ENTREP2: variants seen among roughly 807,000 people sequenced by gnomAD.
The protein encoded by ENTREP2 is protein ENTREP2.
chr15:29,446,749 C>T, the ENTREP2 span, among the ~76,000 whole-genome samples: 1 of 152,352 alleles, frequency 6.6e-6, no homozygotes, highest in East Asian at 1.9e-4. Context: ...CCTGTGGAGA[C>T]TCTAGGGCTG....
chr15:29,619,429 G>C, the ENTREP2 span, among the ~76,000 whole-genome samples: 1 of 151,918 alleles, frequency 6.6e-6, no homozygotes, highest in African/African-American at 2.4e-5. Flanking sequence ...ACAACCTCAT[G>C]AGATAGACAT....
chr15:29,269,437 G>T, the ENTREP2 span: 1 of 1,614,086 alleles, frequency 6.2e-7, no homozygotes, highest in Non-Finnish European at 8.5e-7. Flanking sequence ...CACCAGCTCG[G>T]ACACTTTCAG....
chr15:29,142,784 C>T, the ENTREP2 span, among the ~76,000 whole-genome samples: 1 of 152,078 alleles, frequency 6.6e-6, no homozygotes, highest in African/African-American at 2.4e-5. Flanking sequence ...GATGATATTC[C>T]TGAGGCTGCA....
chr15:29,439,134 C>T, the ENTREP2 span, among the ~76,000 whole-genome samples: 1 of 152,084 alleles, frequency 6.6e-6, no homozygotes. Context: ...TTTTCTAATA[C>T]CAAGGCTTCA....
the ENTREP2 span, among the ~76,000 whole-genome samples, chr15:29,154,872 G>C: frequency 6.6e-6 from 1 of 152,246 alleles, no homozygotes; most frequent in Non-Finnish European, 1.5e-5. Flanking sequence ...GTAAAGAAGT[G>C]TGATTAGGAT....
At chr15:29,572,256 C>T in the ENTREP2 span, among the ~76,000 whole-genome samples, 1 of 152,168 alleles carries the variant, frequency 6.6e-6, no homozygotes, top group African/African-American at 2.4e-5. Context: ...AATGCTGGCC[C>T]GTGGCCAAAC....
chr15:29,317,015 T>C, the ENTREP2 span, among the ~76,000 whole-genome samples: 1 of 152,228 alleles, frequency 6.6e-6, no homozygotes, highest in Non-Finnish European at 1.5e-5. Flanking sequence ...AATTTAACTA[T>C]GCCAAATTAC....
At chr15:29,233,618 T>C in the ENTREP2 span, 5 of 711,994 alleles carry the variant, frequency 7.0e-6, no homozygotes, top group African/African-American at 1.8e-5. Flanking sequence ...TGAAATGCTA[T>C]GAAAGGTGTG....
the ENTREP2 span, chr15:29,195,262 C>A: frequency 3.0e-6 from 3 of 985,224 alleles, no homozygotes; most frequent in Admixed American, 1.8e-4. Flanking sequence ...CAGGCGTAGT[C>A]CTACCATGGA....
the ENTREP2 span, among the ~76,000 whole-genome samples, chr15:29,389,243 C>T: frequency 1.2e-3 from 183 of 151,978 alleles, no homozygotes; most frequent in Non-Finnish European, 2.1e-3. Flanking sequence ...TCCAGCTTCA[C>T]AAACTGCGAG....
chr15:29,429,406 A>C, the ENTREP2 span, among the ~76,000 whole-genome samples: 1,280 of 152,308 alleles, frequency 8.4e-3, 22 homozygotes, highest in African/African-American at 0.03. Context: ...AATTTTGTAG[A>C]GACAGAGACT....
chr15:29,417,024 G>A, the ENTREP2 span, among the ~76,000 whole-genome samples: 2 of 152,236 alleles, frequency 1.3e-5, no homozygotes, highest in East Asian at 1.9e-4. Context: ...TGGAGAAATA[G>A]GAACACTCTT....
At chr15:29,490,300 G>C in the ENTREP2 span, among the ~76,000 whole-genome samples, 2 of 152,204 alleles carry the variant, frequency 1.3e-5, no homozygotes, top group Non-Finnish European at 2.9e-5. Flanking sequence ...TTCGCTGTGA[G>C]TATTACAGCT....
At chr15:29,317,099 GC>G in the ENTREP2 span, among the ~76,000 whole-genome samples, 1 of 152,096 alleles carries the variant, frequency 6.6e-6, no homozygotes, top group African/African-American at 2.4e-5. Flanking sequence ...AAAGAATGAA[GC>G]CTTTTGGTTT....
chr15:29,640,013 C>T, the ENTREP2 span, among the ~76,000 whole-genome samples: 1 of 152,120 alleles, frequency 6.6e-6, no homozygotes. Flanking sequence ...AGGCAGTCTG[C>T]CCGCCTTGGC....
the ENTREP2 span, among the ~76,000 whole-genome samples, chr15:29,136,066 A>G: frequency 6.6e-6 from 1 of 152,214 alleles, no homozygotes; most frequent in South Asian, 2.1e-4. Flanking sequence ...TGGGGATCTA[A>G]GGGGAAAAGC....
chr15:29,191,100 C>G, the ENTREP2 span, among the ~76,000 whole-genome samples: 1 of 152,112 alleles, frequency 6.6e-6, no homozygotes, highest in Non-Finnish European at 1.5e-5. Flanking sequence ...AAGATCCTTT[C>G]ACTGCAGTCA....
At chr15:29,556,444 A>AAGGG in the ENTREP2 span, among the ~76,000 whole-genome samples, 1 of 152,150 alleles carries the variant, frequency 6.6e-6, no homozygotes, top group African/African-American at 2.4e-5. Context: ...ACAAGGAAGG[A>AAGGG]AGGGAGGGAG....
At chr15:29,508,525 C>A in the ENTREP2 span, among the ~76,000 whole-genome samples, 1 of 152,182 alleles carries the variant, frequency 6.6e-6, no homozygotes, top group Non-Finnish European at 1.5e-5. Flanking sequence ...ACCAAACCAG[C>A]AGCACATTAA....
Sources: allele counts gnomAD v4.1 joint callset (sites outside exome capture counted in the v4.1 genomes callset), GRCh38; gene constraint gnomAD v4.1.1; transcripts MANE v1.5; gene names NCBI Gene and HGNC (gene_info 2026-07-23, HGNC 2026-07-21).